The following MAGT1 variants were observed in gnomAD, a reference collection of about 807,000 sequenced individuals.
The protein encoded by MAGT1 is dolichyl-diphosphooligosaccharide--protein glycosyltransferase subunit MAGT1.
In MAGT1, 4 loss-of-function variants were observed where a neutral mutation model predicts 28.4. The ratio of observed to expected loss-of-function variants is 0.14; its 90% CI spans 0.07 to 0.32. The LOEUF (loss-of-function observed/expected upper bound fraction) is 0.32, where lower values mean the gene tolerates loss of function less well. Ranked by LOEUF, MAGT1 falls within the 10% of genes least tolerant of loss-of-function variation. MAGT1 has a pLI of 1.00. For missense variants in MAGT1, 193 were observed against 264.5 expected (o/e 0.73, Z 1.88); for synonymous variants, 89 against 89.7 (o/e 0.99, Z 0.04).
chrX:77,894,293 T>C (rs2077092416), intron 1 of MAGT1, among the ~76,000 whole-genome samples: 1 of 112,271 alleles, frequency 8.9e-6, no homozygotes, highest in African/African-American at 3.2e-5. Context: ...AAGCAACTCA[T>C]TAAGTTTAAC....
chrX:77,889,546 T>C lies in MAGT1; in HGVS notation c.102+5763A>G, dbSNP rs191794788. 7.7e-3 allele frequency among the ~76,000 whole-genome samples: 834 copies of C among 107,769 alleles called. 8 individuals carry two copies. The highest frequency in any genetic ancestry group is 0.027 in the African/African-American group (808 of 29,586). The allele number at this position is 107,769 out of a possible 115,157, so 93.6% of individuals were successfully genotyped here. On this transcript the variant is annotated intron_variant, in intron 1 of 9. Coordinates refer to ENST00000618282, the MANE Select transcript of MAGT1 (RefSeq NM_001367916.1). ...GCCACCACGCCCGGCTAATTTTTTG[T>C]ATTTTTAGTAGAGACGGGGTTTCAC... is the stretch of plus-strand genomic sequence containing the variant.
At chrX:77,873,440 A>G (rs2077025158) in intron 2 of MAGT1, among the ~76,000 whole-genome samples, 1 of 112,560 alleles carries the variant, frequency 8.9e-6, no homozygotes, top group African/African-American at 3.2e-5. Context: ...TTACCAGATC[A>G]GATACACTGA....
chrX:77,890,580 C>T (rs1354172058), intron 1 of MAGT1, among the ~76,000 whole-genome samples: 1 of 112,169 alleles, frequency 8.9e-6, no homozygotes, highest in Non-Finnish European at 1.9e-5. Flanking sequence ...GTGATACTTT[C>T]ATGAGTCATT....
At chrX:77,843,971 C>T (rs1239671500) in intron 7 of MAGT1, among the ~76,000 whole-genome samples, 4 of 111,622 alleles carry the variant, frequency 3.6e-5, no homozygotes, top group Non-Finnish European at 7.5e-5. Context: ...TAAAATGAGT[C>T]AAGGAGGATT....
chrX:77,863,892 C>T (rs782662094), intron 3 of MAGT1, among the ~76,000 whole-genome samples: 5 of 109,929 alleles, frequency 4.5e-5, no homozygotes, highest in East Asian at 2.9e-4. Context: ...GGCGTGGTGG[C>T]GCACACCTGT....
intron 7 of MAGT1, among the ~76,000 whole-genome samples, chrX:77,851,102 T>C (rs782006785): frequency 9.6e-6 from 1 of 104,701 alleles, no homozygotes; most frequent in Non-Finnish European, 2.0e-5. Flanking sequence ...TCCTGAGTAG[T>C]TGGAATTATA....
At chrX:77,840,867 A>G (rs1216632160) in intron 8 of MAGT1, among the ~76,000 whole-genome samples, 1 of 112,246 alleles carries the variant, frequency 8.9e-6, no homozygotes, top group East Asian at 2.8e-4. Flanking sequence ...ATAACAGAGT[A>G]TAAGTTTAAA....
chrX:77,883,295 G>A (rs1435843594), intron 1 of MAGT1, among the ~76,000 whole-genome samples: 2 of 104,622 alleles, frequency 1.9e-5, no homozygotes, highest in Non-Finnish European at 3.9e-5. Context: ...CATCCCATCT[G>A]CCGGCAGATC....
intron 8 of MAGT1, among the ~76,000 whole-genome samples, chrX:77,834,524 G>T (rs1557213713): frequency 9.2e-6 from 1 of 108,627 alleles, no homozygotes; most frequent in Non-Finnish European, 1.9e-5. Flanking sequence ...AGTAGAGACA[G>T]GGTTTCACCA....
chrX:77,834,232 A>ATATACATG (rs1285909204), intron 8 of MAGT1, among the ~76,000 whole-genome samples: 8 of 86,486 alleles, frequency 9.3e-5, no homozygotes, highest in African/African-American at 2.6e-4. Flanking sequence ...ATATGCATAT[A>ATATACATG]TGTATATATA....
chrX:77,865,324 C>T lies in MAGT1; in HGVS notation c.390+5484G>A, dbSNP rs1052357889. The stretch of plus-strand genomic sequence containing the variant: ...TTTATTTTTGAGATGGAGTCTCGCT[C>T]TGTCGCCCAGGCTGGAGTGCAGTGG... On this transcript the variant is annotated intron_variant, in intron 3 of 9. Transcript: ENST00000618282. Among the ~76,000 whole-genome samples, 12 of 111,007 alleles carry T rather than the reference C, an allele frequency of 1.1e-4. No individual in the cohort carries two copies. The South Asian group carries it at 1.2e-3, about 11-fold the overall frequency.
chrX:77,847,663 T>G (rs1211132476), intron 7 of MAGT1, among the ~76,000 whole-genome samples: 1 of 102,684 alleles, frequency 9.7e-6, no homozygotes, highest in Non-Finnish European at 2.0e-5. Flanking sequence ...CAGGCTGGAG[T>G]GCAGTGGAGC....
intron 1 of MAGT1, among the ~76,000 whole-genome samples, chrX:77,891,935 A>AT (rs2077083745): frequency 8.9e-6 from 1 of 111,898 alleles, no homozygotes; most frequent in African/African-American, 3.2e-5. Flanking sequence ...TTTAAAAAGA[A>AT]TATACATATA....
At chrX:77,851,624 T>C (rs1339458064) in intron 7 of MAGT1, among the ~76,000 whole-genome samples, 1 of 111,590 alleles carries the variant, frequency 9.0e-6, no homozygotes, top group African/African-American at 3.3e-5. Context: ...TCCGCCTGCC[T>C]CAGCCTCCCA....
intron 1 of MAGT1, among the ~76,000 whole-genome samples, chrX:77,883,478 G>A (rs2077058942): frequency 9.2e-6 from 1 of 108,204 alleles, no homozygotes; most frequent in South Asian, 3.9e-4. Context: ...TCTTTTTTCA[G>A]GCTCTTATAA....
intron 8 of MAGT1, among the ~76,000 whole-genome samples, chrX:77,839,656 C>T (rs868986056): frequency 5.5e-5 from 6 of 109,453 alleles, no homozygotes; most frequent in South Asian, 8.1e-4. Context: ...TACACACGCA[C>T]GCCACCATGC....
At chrX:77,835,531 G>T (rs1342266988) in intron 8 of MAGT1, among the ~76,000 whole-genome samples, 1 of 111,283 alleles carries the variant, frequency 9.0e-6, no homozygotes, top group East Asian at 2.8e-4. Flanking sequence ...CAGTTTGGAG[G>T]TTCCTCAAAA....
intron 1 of MAGT1, among the ~76,000 whole-genome samples, chrX:77,890,123 T>C (rs180778688): frequency 2.5e-3 from 281 of 112,825 alleles, no homozygotes; most frequent in African/African-American, 8.7e-3. Flanking sequence ...TTCTTTTTTA[T>C]GGCTGAATAG....
intron 3 of MAGT1, among the ~76,000 whole-genome samples, chrX:77,862,133 A>G (rs973735584): frequency 1.8e-5 from 2 of 111,384 alleles, no homozygotes; most frequent in African/African-American, 6.5e-5. Flanking sequence ...AAGATACACT[A>G]TTTTTTGGTA....
Sources: gnomAD v4.1 joint callset for allele counts (sites outside exome capture counted in the v4.1 genomes callset) on GRCh38, gnomAD v4.1.1 for gene constraint, MANE v1.5 for transcripts, NCBI Gene and HGNC (gene_info 2026-07-23, HGNC 2026-07-21) for gene names.